Variants in CFAP52 observed in about 807,000 individuals in gnomAD.
CFAP52 encodes cilia- and flagella-associated protein 52.
Under a neutral mutation model 70.5 loss-of-function variants are expected in CFAP52, and 57 were observed. The observed-to-expected ratio is 0.81, with a 90% CI of 0.65 to 1.01. The LOEUF (loss-of-function observed/expected upper bound fraction) is 1.01, where lower values mean the gene tolerates loss of function less well. CFAP52 is among the 50% of genes least tolerant of loss of function. The pLI is 0.00. For missense variants in CFAP52, 785 were observed against 788.5 expected, an observed-to-expected ratio of 1.00 and a Z score of 0.05; for synonymous variants, 267 against 292.5, an observed-to-expected ratio of 0.91 and a Z score of 0.89.
chr17:9,596,621 A>G (rs1366349873), intron 4 of CFAP52, among the ~76,000 whole-genome samples: 1 of 151,920 alleles, frequency 6.6e-6, no homozygotes, highest in Non-Finnish European at 1.5e-5. Flanking sequence ...ACAAGACTCC[A>G]CACCACAGGT....
chr17:9,608,137 T>G lies in CFAP52; in HGVS notation c.772T>G (p.Cys258Gly). ...CCCCTAGGGAGTGTCAGCTATCAGG[T>G]GCCTGAAGATGGGGGGTTTGTTGGT... ...KFSLGVSAIR[C>G]LKMGGLLVGS... The change falls in exon 7 of 14, where the codon TGC (cysteine) becomes GGC (glycine). Residue 258 changes from cysteine (C) to glycine (G), a missense_variant. Transcript: ENST00000352665. The G allele has an allele frequency of 6.2e-7, 1 of 1,612,628 alleles. No individual in the cohort carries two copies. The highest frequency in any genetic ancestry group is 8.5e-7 in the Non-Finnish European group (1 of 1,179,092).
In CFAP52 at chr17:9,600,071, A is replaced by G; in HGVS notation, c.641A>G (p.Asp214Gly). The G allele has an allele frequency of 6.2e-7, 1 of 1,610,420 alleles. No individual in the cohort carries two copies. The highest frequency in any genetic ancestry group is 8.5e-7 in the Non-Finnish European group (1 of 1,177,370). Residue 214 changes from aspartate to glycine, a missense_variant, in exon 6 of 14, where the codon GAT (aspartate) becomes GGT (glycine). By Grantham distance (94) the Asp-to-Gly change is moderately conservative. Transcript: ENST00000352665. ...TTCTTTTTCTTGCTTCTTCAGGTGG[A>G]TGATGATGATAGCTTTTTCTACCTT... ...LKRIVMSIGV[D>G]DDDSFFYLGT...
At chr17:9,628,419 A>G (rs756073774) in intron 8 of CFAP52, among the ~76,000 whole-genome samples, 20 of 151,808 alleles carry the variant, frequency 1.3e-4, no homozygotes, top group Non-Finnish European at 2.4e-4. Flanking sequence ...AGCTGGGATT[A>G]CAGGCATGCA....
chr17:9,636,611 T>G (rs1910816078), intron 11 of CFAP52, among the ~76,000 whole-genome samples: 1 of 151,080 alleles, frequency 6.6e-6, no homozygotes, highest in African/African-American at 2.4e-5. Flanking sequence ...CCTCTACCCC[T>G]CCTACGAGGC....
chr17:9,624,802 G>A (rs567768760), intron 8 of CFAP52, among the ~76,000 whole-genome samples: 3 of 152,170 alleles, frequency 2.0e-5, no homozygotes, highest in Non-Finnish European at 2.9e-5. Context: ...GTTCTCTGAG[G>A]ATTGTTGGCA....
intron 10 of CFAP52, among the ~76,000 whole-genome samples, chr17:9,635,189 T>C (rs1910717850): frequency 6.6e-6 from 1 of 152,132 alleles, no homozygotes; most frequent in Non-Finnish European, 1.5e-5. Flanking sequence ...GGATTGTTAG[T>C]AGCATTTTTG....
chr17:9,589,408 C>T (rs1330178910), intron 3 of CFAP52, among the ~76,000 whole-genome samples: 1 of 152,082 alleles, frequency 6.6e-6, no homozygotes, highest in African/African-American at 2.4e-5. Flanking sequence ...TCACCCCTTC[C>T]CTGGCTCATT....
At chr17:9,640,534 T>G (rs1384785743) in intron 12 of CFAP52, among the ~76,000 whole-genome samples, 2 of 152,156 alleles carry the variant, frequency 1.3e-5, no homozygotes, top group Non-Finnish European at 2.9e-5. Context: ...CTGAGGATAA[T>G]GGCTCCCAAC....
chr17:9,632,994 T>C lies in CFAP52; in HGVS notation c.1281T>C (p.Ser427=), dbSNP rs1269135749. The change falls in exon 10 of 14, where the codon AGT becomes AGC. Residue 427 remains serine, a synonymous_variant. Coordinates refer to ENST00000352665, the MANE Select transcript of CFAP52 (RefSeq NM_145054.5). ...GCGTCACCGCCATCGCCACCACCAG[T>C]GACTGTAAAAGGGTCATCAGTGGCG... is the stretch of plus-strand genomic sequence containing the variant. ...RIGVTAIATT[S]DCKRVISGGG... The C allele has an allele frequency of 6.2e-7, 1 of 1,614,046 alleles. No individual in the cohort carries two copies. The highest frequency in any genetic ancestry group is 8.5e-7 in the Non-Finnish European group (1 of 1,180,026).
chr17:9,632,281 G>C (rs1206265210), intron 9 of CFAP52, among the ~76,000 whole-genome samples: 1 of 150,352 alleles, frequency 6.7e-6, no homozygotes, highest in Non-Finnish European at 1.5e-5. Context: ...TTTTTGTAGA[G>C]ACTGGGTCTT....
chr17:9,608,155 T>G lies in CFAP52; in HGVS notation c.790T>G (p.Leu264Val). 3 of 1,612,754 alleles carry G rather than the reference T, an allele frequency of 1.9e-6. No individual in the cohort carries two copies. Among genetic ancestry groups the G allele is most frequent in the Non-Finnish European group, 2.5e-6 (3 of 1,179,160 alleles). ...SAIRCLKMGG[L>V]LVGSGAGLLV... ...TATCAGGTGCCTGAAGATGGGGGGT[T>G]TGTTGGTGGGCTCTGGAGCCGGACT... The change falls in exon 7 of 14, where the codon TTG becomes GTG. Residue 264 changes from leucine (L) to valine (V), a missense_variant. By Grantham distance (32) the Leu-to-Val change is conservative. Coordinates refer to ENST00000352665, the MANE Select transcript of CFAP52 (RefSeq NM_145054.5).
At chr17:9,632,533 G>A (rs188638860) in intron 9 of CFAP52, among the ~76,000 whole-genome samples, 2 of 152,278 alleles carry the variant, frequency 1.3e-5, no homozygotes, top group East Asian at 1.9e-4. Flanking sequence ...GAAAGATGGT[G>A]GTGCCTTGGA....
intron 3 of CFAP52, among the ~76,000 whole-genome samples, chr17:9,587,813 T>C (rs968782454): frequency 2.0e-5 from 3 of 152,210 alleles, no homozygotes; most frequent in African/African-American, 7.2e-5. Context: ...CAAGGCGTAT[T>C]TCCAGAAGTG....
intron 2 of CFAP52, 112 bp from the exon 3 acceptor site, chr17:9,586,580 AAAAAAG>A: frequency 6.7e-5 from 91 of 1,361,176 alleles, no homozygotes; most frequent in Middle Eastern, 5.2e-4. Flanking sequence ...AAAAAAAAAA[AAAAAAG>A]AAAGAAAAAA....
intron 8 of CFAP52, among the ~76,000 whole-genome samples, chr17:9,625,561 A>T (rs997322388): frequency 1.3e-4 from 20 of 152,158 alleles, no homozygotes; most frequent in Admixed American, 1.3e-4. Context: ...TCTAGCCCTC[A>T]ACTCTGATCT....
At chr17:9,635,034 C>A (rs1319789722) in intron 10 of CFAP52, among the ~76,000 whole-genome samples, 2 of 152,094 alleles carry the variant, frequency 1.3e-5, no homozygotes. Context: ...CACGAACTTT[C>A]CTGACAGTAC....
At chr17:9,608,900 A>G (rs923560709) in intron 7 of CFAP52, among the ~76,000 whole-genome samples, 1 of 152,222 alleles carries the variant, frequency 6.6e-6, no homozygotes, top group African/African-American at 2.4e-5. Flanking sequence ...TGTACACACG[A>G]AAGAAGTCAC....
At chr17:9,585,552 T>C (rs1908423912) in intron 1 of CFAP52, among the ~76,000 whole-genome samples, 1 of 151,920 alleles carries the variant, frequency 6.6e-6, no homozygotes, top group Non-Finnish European at 1.5e-5. Flanking sequence ...GTGCCTGTAA[T>C]CCCAGCTACT....
chr17:9,635,547 G>A lies in CFAP52; in HGVS notation c.1463G>A (p.Trp488Ter). 6.2e-7 allele frequency: 1 copy of A among 1,614,160 alleles called. No individual in the cohort carries two copies. The highest frequency in any genetic ancestry group is 8.5e-7 in the Non-Finnish European group (1 of 1,180,032). Reference sequence around the variant, plus strand: ...AGCACCGATGGGACTTGTATCATTTGGGACCTTGTGTAGGTACCTGTGATG... The same window carrying A: ...AGCACCGATGGGACTTGTATCATTTAGGACCTTGTGTAGGTACCTGTGATG... ...TASTDGTCII[W>*]DLVRLRRNQM... Residue 488 changes from tryptophan (W) to a stop codon, truncating the protein, a stop_gained, in exon 11 of 14, where the codon TGG (tryptophan) becomes TAG (stop). Coordinates refer to ENST00000352665, the MANE Select transcript of CFAP52 (RefSeq NM_145054.5). LOFTEE classifies it high-confidence loss of function.
Sources: allele counts gnomAD v4.1 joint callset (sites outside exome capture counted in the v4.1 genomes callset), GRCh38; gene constraint gnomAD v4.1.1; transcripts MANE v1.5; gene names NCBI Gene and HGNC (gene_info 2026-07-23, HGNC 2026-07-21).